Variants in SNX25 observed in about 807,000 individuals in gnomAD.
SNX25 encodes sorting nexin 25.
In SNX25, 62 loss-of-function variants were observed where a neutral mutation model predicts 113.7. That is an observed-to-expected ratio of 0.55 (90% CI 0.44 to 0.67). SNX25 has a LOEUF of 0.67. Ranked by LOEUF, SNX25 falls within the 30% of genes least tolerant of loss-of-function variation. SNX25 has a pLI of 0.00. For missense variants in SNX25, 1,014 were observed against 1,161.0 expected (o/e 0.87, Z 1.84); for synonymous variants, 421 against 436.2 (o/e 0.97, Z 0.43).
At chr4:185,350,217 C>T (rs759250184) in intron 13 of SNX25, among the ~76,000 whole-genome samples, 5 of 152,156 alleles carry the variant, frequency 3.3e-5, no homozygotes, top group African/African-American at 1.2e-4. Flanking sequence ...TCATAGCGTT[C>T]GTCAGGTCAT....
chr4:185,229,061 AAGAT>A (rs1265718290), intron 1 of SNX25, among the ~76,000 whole-genome samples: 1 of 152,166 alleles, frequency 6.6e-6, no homozygotes, highest in Non-Finnish European at 1.5e-5. Flanking sequence ...GTTAAGGGCC[AAGAT>A]GTGAAGTTGG....
chr4:185,289,295 T>C (rs1261804446), intron 6 of SNX25, among the ~76,000 whole-genome samples: 1 of 152,156 alleles, frequency 6.6e-6, no homozygotes, highest in Non-Finnish European at 1.5e-5. Flanking sequence ...TTTCAGGTGG[T>C]CACATGTTCC....
intron 2 of SNX25, among the ~76,000 whole-genome samples, chr4:185,252,681 G>T (rs1205234006): frequency 1.3e-5 from 2 of 152,172 alleles, no homozygotes; most frequent in Non-Finnish European, 2.9e-5. Context: ...ATGTTTGTGT[G>T]TAGATATTTT....
At chr4:185,240,399 A>C (rs74525785) in intron 1 of SNX25, among the ~76,000 whole-genome samples, 1 of 146,660 alleles carries the variant, frequency 6.8e-6, no homozygotes, top group African/African-American at 2.6e-5. Context: ...CGGGGGGCTG[A>C]CCCCCCCACC....
chr4:185,268,528 AT>A (rs1230356259), intron 5 of SNX25, among the ~76,000 whole-genome samples: 2 of 152,156 alleles, frequency 1.3e-5, no homozygotes, highest in Admixed American at 1.3e-4. Flanking sequence ...AAATGATAAT[AT>A]AGGGGAAAGA....
Position 185,357,653 on chromosome 4 carries a change from CT to C in SNX25, c.2585-17del. The C allele has an allele frequency of 6.2e-7, 1 of 1,611,974 alleles. No homozygotes were observed. The highest frequency in any genetic ancestry group is 1.3e-5 in the African/African-American group (1 of 74,980). On this transcript the variant is annotated splice_polypyrimidine_tract_variant and intron_variant, in intron 15 of 18. Transcript: ENST00000652585. ...TGATGCCCTGTGATAAAAAGTTTTC[CT>C]CTGGTTTCTGTTTCAGTGTTTAAAT...
intron 2 of SNX25, among the ~76,000 whole-genome samples, chr4:185,254,285 A>G (rs1746084412): frequency 6.6e-6 from 1 of 152,206 alleles, no homozygotes; most frequent in South Asian, 2.1e-4. Context: ...ATTGCATTTT[A>G]AAACTTTACA....
intron 7 of SNX25, among the ~76,000 whole-genome samples, chr4:185,317,396 T>C (rs2095083216): frequency 6.6e-6 from 1 of 152,180 alleles, no homozygotes; most frequent in Non-Finnish European, 1.5e-5. Context: ...GTTCAACCGT[T>C]GTGGAAGACA....
downstream of SNX25, chr4:185,370,949 GT>G (rs1326403681): frequency 2.2e-6 from 2 of 919,836 alleles, no homozygotes; most frequent in East Asian, 5.3e-5. Flanking sequence ...TGTTTGCTGT[GT>G]GGGGAAGGGT....
chr4:185,335,330 A>T (rs2095222495), intron 10 of SNX25, among the ~76,000 whole-genome samples: 1 of 148,528 alleles, frequency 6.7e-6, no homozygotes, highest in African/African-American at 2.6e-5. Flanking sequence ...ACACACACAC[A>T]CACACACACA....
In SNX25 at chr4:185,362,073, G is replaced by A. The variant is rs771107565; in HGVS notation, c.2801G>A (p.Arg934Lys). Residue 934 changes from arginine to lysine, a missense_variant, in exon 17 of 19, where the codon AGA becomes AAA. Transcript: ENST00000652585. ...GAGCAAAGTCAGGAAACAAAACAGA[G>A]AGCACAGCAAAAGCTGCTTGAAAAC... ...SKEQSQETKQRAQQKLLENIP... is the reference protein window; with the variant it reads ...SKEQSQETKQKAQQKLLENIP... The A allele has an allele frequency of 6.2e-7, 1 of 1,613,822 alleles. No homozygotes were observed. Among genetic ancestry groups the A allele is most frequent in the Non-Finnish European group, 8.5e-7 (1 of 1,179,816 alleles).
At chr4:185,268,408 A>G (rs1209210787) in intron 5 of SNX25, among the ~76,000 whole-genome samples, 1 of 152,046 alleles carries the variant, frequency 6.6e-6, no homozygotes, top group African/African-American at 2.4e-5. Context: ...GGGGGTGTGT[A>G]TTTTTGTGTA....
chr4:185,292,089 A>G (rs955511829), intron 6 of SNX25, among the ~76,000 whole-genome samples: 3 of 152,164 alleles, frequency 2.0e-5, no homozygotes, highest in African/African-American at 7.2e-5. Flanking sequence ...CTTTTTCTAC[A>G]TTAGTCTCTT....
chr4:185,214,566 C>T (rs889060592), intron 1 of SNX25, among the ~76,000 whole-genome samples: 3 of 151,972 alleles, frequency 2.0e-5, no homozygotes, highest in African/African-American at 7.3e-5. Flanking sequence ...GAGTGAGACC[C>T]TGTACCTTAA....
At chr4:185,300,423 C>A (rs937714748) in intron 6 of SNX25, among the ~76,000 whole-genome samples, 2 of 151,290 alleles carry the variant, frequency 1.3e-5, no homozygotes, top group Non-Finnish European at 2.9e-5. Context: ...CCCGCCTCAG[C>A]CTCCCAAATG....
chr4:185,231,977 G>T (rs1337529385), intron 1 of SNX25, among the ~76,000 whole-genome samples: 1 of 152,176 alleles, frequency 6.6e-6, no homozygotes, highest in Non-Finnish European at 1.5e-5. Flanking sequence ...GGGCTGCTAG[G>T]TGTGGGGCCC....
At chr4:185,212,491 G>GTGTGTTTGT (rs546083196) in intron 1 of SNX25, among the ~76,000 whole-genome samples, 1 of 104,944 alleles carries the variant, frequency 9.5e-6, no homozygotes, top group African/African-American at 3.7e-5. Flanking sequence ...GTGTGTGTGT[G>GTGTGTTTGT]TTTTTTTTTT....
intron 6 of SNX25, among the ~76,000 whole-genome samples, chr4:185,292,236 C>T (rs926567208): frequency 1.3e-5 from 2 of 151,938 alleles, no homozygotes; most frequent in African/African-American, 2.4e-5. Flanking sequence ...TCAGTGCTCT[C>T]GGGTCTAGTA....
intron 6 of SNX25, among the ~76,000 whole-genome samples, chr4:185,297,991 T>C (rs1204932660): frequency 6.6e-6 from 1 of 152,214 alleles, no homozygotes; most frequent in East Asian, 1.9e-4. Context: ...ATCCAGTCCA[T>C]TATTATGCAG....
Sources: gnomAD v4.1 joint callset for allele counts (sites outside exome capture counted in the v4.1 genomes callset) on GRCh38, gnomAD v4.1.1 for gene constraint, MANE v1.5 for transcripts, NCBI Gene and HGNC (gene_info 2026-07-23, HGNC 2026-07-21) for gene names.